The following PRKCI variants were observed in gnomAD, a reference collection of about 807,000 sequenced individuals.
PRKCI encodes protein kinase C iota.
A neutral mutation model predicts 84.0 loss-of-function variants in PRKCI; 43 were observed. That is an observed-to-expected ratio of 0.51 (90% CI 0.40 to 0.66). The LOEUF is 0.66. Among genes scored for constraint, PRKCI ranks in the 30% least tolerant of loss-of-function variants. PRKCI has a pLI of 0.00. For synonymous variants in PRKCI, 216 were observed against 234.4 expected (o/e 0.92, Z 0.72); for missense variants, 459 against 745.6 (o/e 0.62, Z 4.48).
At chr3:170,242,481 T>A (rs1332728300) in intron 2 of PRKCI, among the ~76,000 whole-genome samples, 1 of 151,932 alleles carries the variant, frequency 6.6e-6, no homozygotes, top group Non-Finnish European at 1.5e-5. Flanking sequence ...AAGAAAAAAT[T>A]AACAGCACTT....
At chr3:170,251,797 C>G (rs1214344707) in intron 2 of PRKCI, among the ~76,000 whole-genome samples, 3 of 151,854 alleles carry the variant, frequency 2.0e-5, no homozygotes, top group Non-Finnish European at 4.4e-5. Context: ...GTAGTCCTAG[C>G]TACTCAGGAG....
intron 1 of PRKCI, among the ~76,000 whole-genome samples, chr3:170,225,934 A>G (rs1265473957): frequency 2.0e-5 from 3 of 151,194 alleles, no homozygotes; most frequent in African/African-American, 7.3e-5. Context: ...TTTTTTGGAG[A>G]TGGAGTCTCG....
At chr3:170,272,949 C>T (rs71306664) in intron 6 of PRKCI, among the ~76,000 whole-genome samples, 38 of 152,138 alleles carry the variant, frequency 2.5e-4, no homozygotes, top group Non-Finnish European at 3.8e-4. Context: ...AATGCATATT[C>T]CAGAAACTTA....
intron 17 of PRKCI, among the ~76,000 whole-genome samples, chr3:170,300,147 C>T (rs750831127): frequency 7.2e-5 from 11 of 152,200 alleles, no homozygotes; most frequent in Non-Finnish European, 1.0e-4. Flanking sequence ...TCTCCCAGCA[C>T]CTGCTCCAAA....
At chr3:170,254,536 G>A (rs886910181) in intron 2 of PRKCI, among the ~76,000 whole-genome samples, 2 of 152,056 alleles carry the variant, frequency 1.3e-5, no homozygotes, top group African/African-American at 4.8e-5. Context: ...TGGATATCTT[G>A]TTTTCCCAGC....
At chr3:170,259,849 A>C in intron 2 of PRKCI, 120 bp from the exon 3 acceptor site, 1 of 484,386 alleles carries the variant, frequency 2.1e-6, no homozygotes, top group East Asian at 3.5e-5. Flanking sequence ...TGTCCTTGTC[A>C]TATATTTGTT....
chr3:170,280,429 C>T (rs771778838), intron 9 of PRKCI, 26 bp downstream of exon 9: 13 of 1,558,026 alleles, frequency 8.3e-6, no homozygotes, highest in Non-Finnish European at 9.6e-6. Context: ...TTTATTGCTT[C>T]TAAACTGCTT....
chr3:170,247,534 C>T (rs1733316430), intron 2 of PRKCI, among the ~76,000 whole-genome samples: 1 of 151,386 alleles, frequency 6.6e-6, no homozygotes, highest in African/African-American at 2.4e-5. Flanking sequence ...AGTTCGAGAC[C>T]AGCCTGACCA....
chr3:170,272,155 C>A (rs555199660), intron 6 of PRKCI, among the ~76,000 whole-genome samples: 1 of 152,164 alleles, frequency 6.6e-6, no homozygotes, highest in Admixed American at 6.6e-5. Flanking sequence ...AACTTTCTGG[C>A]AAATCTTACT....
intron 5 of PRKCI, among the ~76,000 whole-genome samples, chr3:170,269,967 AAAAG>A (rs1169782684): frequency 1.3e-4 from 20 of 152,070 alleles, no homozygotes; most frequent in Admixed American, 9.8e-4. Context: ...TCAAAAAAAA[AAAAG>A]AAAGAAAAGA....
chr3:170,247,399 G>C (rs2108842547), intron 2 of PRKCI, among the ~76,000 whole-genome samples: 1 of 151,588 alleles, frequency 6.6e-6, no homozygotes, highest in Admixed American at 6.6e-5. Context: ...GTTTTAGAGG[G>C]AGGGTTATGT....
At chr3:170,288,750 C>T (rs1005171855) in intron 12 of PRKCI, among the ~76,000 whole-genome samples, 1 of 152,110 alleles carries the variant, frequency 6.6e-6, no homozygotes, top group Admixed American at 6.6e-5. Flanking sequence ...GAGTGAGACT[C>T]CGCCTCAAAA....
intron 12 of PRKCI, 44 bp downstream of exon 12, chr3:170,284,640 A>G (rs745434825): frequency 3.8e-6 from 6 of 1,560,596 alleles, no homozygotes; most frequent in Non-Finnish European, 5.2e-6. Flanking sequence ...TTCAGCAGCT[A>G]GTAGTCTTTG....
At chr3:170,229,547 T>C (rs536064351) in intron 1 of PRKCI, among the ~76,000 whole-genome samples, 7 of 152,306 alleles carry the variant, frequency 4.6e-5, no homozygotes, top group African/African-American at 1.7e-4. Context: ...TTCTCCTGCC[T>C]CGGCCTCTCA....
rs552108114 is a variant in PRKCI, at chr3:170,278,386, G to A, written c.706-1841G>A. Among the ~76,000 whole-genome samples, 22 of 152,324 alleles carry A rather than the reference G, an allele frequency of 1.4e-4. No individual in the cohort carries two copies. In the South Asian group the frequency reaches 4.6e-3, roughly 32 times the overall value. Reference sequence around the variant, plus strand: ...ACAAAGGAATACCTGAAGGTTGGGTGTGGCAGCTCACACCTATAATCCTAG... The same window carrying A: ...ACAAAGGAATACCTGAAGGTTGGGTATGGCAGCTCACACCTATAATCCTAG... On this transcript the variant is annotated intron_variant, in intron 8 of 17. Transcript: ENST00000295797.
At chr3:170,291,455 G>A (rs1343497561) in intron 12 of PRKCI, among the ~76,000 whole-genome samples, 1 of 152,128 alleles carries the variant, frequency 6.6e-6, no homozygotes, top group Non-Finnish European at 1.5e-5. Flanking sequence ...CCAGCACTTT[G>A]GGAGGCCGAG....
intron 2 of PRKCI, among the ~76,000 whole-genome samples, chr3:170,243,080 AATAT>A (rs929451060): frequency 1.3e-5 from 2 of 152,108 alleles, no homozygotes; most frequent in Non-Finnish European, 2.9e-5. Context: ...ATGTATACAT[AATAT>A]ATATAATAAG....
chr3:170,269,823 T>C (rs969456134), intron 5 of PRKCI, among the ~76,000 whole-genome samples: 1 of 151,952 alleles, frequency 6.6e-6, no homozygotes, highest in Non-Finnish European at 1.5e-5. Flanking sequence ...CCAGGTATGG[T>C]GGCGCATACC....
At chr3:170,254,409 T>TACAGTTACAGAG (rs1733533388) in intron 2 of PRKCI, among the ~76,000 whole-genome samples, 1 of 152,180 alleles carries the variant, frequency 6.6e-6, no homozygotes, top group Non-Finnish European at 1.5e-5. Context: ...TTTCCACAGT[T>TACAGTTACAGAG]TTTTCTTTTA....
Sources: allele counts gnomAD v4.1 joint callset (sites outside exome capture counted in the v4.1 genomes callset), GRCh38; gene constraint gnomAD v4.1.1; transcripts MANE v1.5; gene names NCBI Gene and HGNC (gene_info 2026-07-23, HGNC 2026-07-21).